PCLO: variants seen among roughly 807,000 people sequenced by gnomAD.
PCLO encodes the protein piccolo presynaptic cytomatrix protein, also known as protein piccolo.
PCLO carries 82 observed loss-of-function variants against 427.5 expected under a neutral mutation model. The observed-to-expected ratio is 0.19, with a 90% CI of 0.16 to 0.23. The LOEUF is 0.23. Ranked by LOEUF, PCLO falls within the 10% of genes least tolerant of loss-of-function variation. PCLO has a pLI of 1.00. For synonymous variants in PCLO, 2,357 were observed against 2,155.4 expected, an observed-to-expected ratio of 1.09 and a Z score of -2.59; for missense variants, 6,239 against 6,115.9, an observed-to-expected ratio of 1.02 and a Z score of -0.67.
intron 3 of PCLO, among the ~76,000 whole-genome samples, chr7:83,066,991 A>G (rs1408358696): frequency 6.6e-6 from 1 of 152,198 alleles, no homozygotes; most frequent in African/African-American, 2.4e-5. Context: ...GAAAAATTTC[A>G]CACATAAGTA....
chr7:83,114,237 G>T (rs987436462), intron 3 of PCLO, among the ~76,000 whole-genome samples: 1 of 152,034 alleles, frequency 6.6e-6, no homozygotes, highest in Non-Finnish European at 1.5e-5. Context: ...TGTGCCCTGG[G>T]GATTCATATT....
At chr7:82,838,869 T>C (rs1355185150) in intron 14 of PCLO, among the ~76,000 whole-genome samples, 1 of 151,986 alleles carries the variant, frequency 6.6e-6, no homozygotes, top group Non-Finnish European at 1.5e-5. Flanking sequence ...TATTATCTGA[T>C]ATTAAACCTA....
intron 3 of PCLO, among the ~76,000 whole-genome samples, chr7:83,075,420 C>T (rs1240395628): frequency 6.6e-6 from 1 of 152,080 alleles, no homozygotes; most frequent in Non-Finnish European, 1.5e-5. Flanking sequence ...TTTTGTTTCG[C>T]ACTTTCACCC....
rs866815935 is a variant in PCLO, at chr7:82,908,878, T to C, written c.13436A>G (p.Gln4479Arg). The change falls in exon 8 of 25, where the codon CAA becomes CGA. Residue 4479 changes from glutamine (Q) to arginine (R), a missense_variant and splice_region_variant. By Grantham distance (43) the Gln-to-Arg change is conservative. Transcript: ENST00000333891. ...HSRPLSQHQEQIIQMNGKTMH... is the reference protein window; with the variant it reads ...HSRPLSQHQERIIQMNGKTMH... ...GAAATTGCTAAATATAGCACTTACT[T>C]GCTCTTGATGTTGACTGAGTGGTCT... 11 of 1,611,750 alleles carry C rather than the reference T, an allele frequency of 6.8e-6. No individual in the cohort carries two copies. The Middle Eastern group carries it at 4.9e-4, about 72-fold the overall frequency.
At chr7:82,934,670 A>G (rs985110750) in intron 6 of PCLO, among the ~76,000 whole-genome samples, 1 of 151,688 alleles carries the variant, frequency 6.6e-6, no homozygotes, top group Non-Finnish European at 1.5e-5. Context: ...GAAAAAAATT[A>G]TATGGAATGT....
At position 83,154,923 on chromosome 7, in the gene PCLO, G is replaced by A; in HGVS notation, c.1718C>T (p.Ser573Phe). ...SGKPLQPPTV[S>F]PSAKQPPSQG... is the part of the protein sequence containing the mutation. ...TGAAGGAGGCTGTTTTGCAGATGGAGACACTGTTGGTGGCTGCAGAGGTTT... is the reference window on the plus strand; with the variant it reads ...TGAAGGAGGCTGTTTTGCAGATGGAAACACTGTTGGTGGCTGCAGAGGTTT... Residue 573 changes from serine to phenylalanine, a missense_variant, in exon 2 of 25, where the codon TCT (serine) becomes TTT (phenylalanine). Physicochemically the swap from Ser to Phe is radical, Grantham distance 155. Transcript: ENST00000333891. 3 of 1,614,016 alleles carry A rather than the reference G, an allele frequency of 1.9e-6. No individual in the cohort carries two copies. Among genetic ancestry groups the A allele is most frequent in the Non-Finnish European group, 2.5e-6 (3 of 1,179,890 alleles).
At chr7:83,158,970 C>A (rs1206282588) in intron 1 of PCLO, among the ~76,000 whole-genome samples, 1 of 151,984 alleles carries the variant, frequency 6.6e-6, no homozygotes, top group Non-Finnish European at 1.5e-5. Context: ...AACAGTTTTA[C>A]TGTTAAAAAG....
chr7:82,820,562 A>G, intron 20 of PCLO: 2 of 1,226,586 alleles, frequency 1.6e-6, no homozygotes, highest in Non-Finnish European at 2.0e-6. Context: ...CTTAACAACT[A>G]TGGAAACACG....
At chr7:82,805,035 G>A (rs1167385250) in intron 21 of PCLO, among the ~76,000 whole-genome samples, 4 of 151,672 alleles carry the variant, frequency 2.6e-5, no homozygotes, top group Non-Finnish European at 4.4e-5. Flanking sequence ...TGACCAAGGC[G>A]ATTCTAACAC....
In PCLO at chr7:82,809,750, C is replaced by CT. The variant is rs573564974; in HGVS notation, c.14792-3922dup. 1.3e-3 allele frequency among the ~76,000 whole-genome samples: 194 copies of CT among 151,536 alleles called. 2 individuals carry two copies. The highest frequency in any genetic ancestry group is 5.6e-4 in the Non-Finnish European group (38 of 67,624). ...ACAAGAAGTCCACTTGATATGGAAG[C>CT]TTTTTTTCCATGTTCTTTGTCAAAG... On this transcript the variant is annotated intron_variant, in intron 20 of 24. Coordinates refer to ENST00000333891, the MANE Select transcript of PCLO (RefSeq NM_033026.6).
At position 82,754,176 on chromosome 7, in the gene PCLO, C is replaced by T. The variant is rs1016122674; in HGVS notation, c.*4399G>A. 6.6e-6 allele frequency: 1 copy of T among 151,812 alleles called. No homozygotes were observed. The highest frequency in any genetic ancestry group is 2.4e-5 in the African/African-American group (1 of 41,312). 9.4% of individuals were successfully genotyped at this position (151,812 alleles called of 1,614,324 possible). On this transcript the variant is annotated 3_prime_UTR_variant, in exon 25 of 25. Coordinates refer to ENST00000333891, the MANE Select transcript of PCLO (RefSeq NM_033026.6). ...TACAAGCATTTTTTTTTAAATGCAA[C>T]TCTCATGTATTTTCAGGTCAATTTA...
chr7:83,025,156 G>A (rs1028331026), intron 3 of PCLO, among the ~76,000 whole-genome samples: 27 of 152,272 alleles, frequency 1.8e-4, no homozygotes, highest in Middle Eastern at 3.4e-3. Flanking sequence ...AAATTACTCT[G>A]AGCTACGGGA....
intron 7 of PCLO, among the ~76,000 whole-genome samples, chr7:82,912,024 T>C (rs1794334609): frequency 6.6e-6 from 1 of 152,134 alleles, no homozygotes; most frequent in South Asian, 2.1e-4. Context: ...CATCAACAAA[T>C]CTTTTAGAAT....
chr7:82,820,532 T>C (rs946307022), intron 20 of PCLO: 22 of 1,224,522 alleles, frequency 1.8e-5, no homozygotes, highest in Non-Finnish European at 2.1e-5. Flanking sequence ...GAGATTCACA[T>C]GCCCAACACA....
chr7:82,956,842 A>T lies in PCLO; in HGVS notation c.4111T>A (p.Ser1371Thr). The change falls in exon 5 of 25, where the codon TCA becomes ACA. Residue 1371 changes from serine to threonine, a missense_variant. Ser to Thr is a moderately conservative substitution (Grantham distance 58). Around this residue, in one of 5 missense-constraint regions of PCLO, gnomAD observed 4,677 missense variants for 4,468.4 expected, o/e 1.05. Coordinates refer to ENST00000333891, the MANE Select transcript of PCLO (RefSeq NM_033026.6). ...SDTGYSSDGI[S>T]SSLGEIPSLI... ...CTTGGAATTTCACCAAGTGAGCTTGATATTCCATCGGAAGAATATCCCGTG... is the reference window on the plus strand; with the variant it reads ...CTTGGAATTTCACCAAGTGAGCTTGTTATTCCATCGGAAGAATATCCCGTG... The T allele has an allele frequency of 6.2e-7, 1 of 1,613,884 alleles. No homozygotes were observed. The highest frequency in any genetic ancestry group is 8.5e-7 in the Non-Finnish European group (1 of 1,179,814).
At position 83,039,597 on chromosome 7, in the gene PCLO, G is replaced by A. The variant is rs911278213; in HGVS notation, c.3301-73110C>T. Among the ~76,000 whole-genome samples, 23 of 152,126 alleles carry A rather than the reference G, an allele frequency of 1.5e-4. No homozygotes were observed. In the East Asian group the frequency reaches 3.3e-3, roughly 22 times the overall value. ...GTAGTACCACATTAACTTCTTTACT[G>A]CTGCTTTGTAGTAAGTTTTGAAATT... On this transcript the variant is annotated intron_variant, in intron 3 of 24. Transcript: ENST00000333891.
intron 4 of PCLO, among the ~76,000 whole-genome samples, chr7:82,958,033 G>T (rs1434119409): frequency 6.6e-6 from 1 of 152,118 alleles, no homozygotes; most frequent in Non-Finnish European, 1.5e-5. Context: ...AAATAAAACT[G>T]ATTCAGTTAG....
intron 4 of PCLO, among the ~76,000 whole-genome samples, chr7:82,965,490 G>C (rs1386093449): frequency 6.6e-6 from 1 of 151,844 alleles, no homozygotes; most frequent in Admixed American, 6.6e-5. Context: ...AATAAAACTA[G>C]ATAACTTCTT....
chr7:82,819,819 GA>G (rs1791753038), intron 20 of PCLO, among the ~76,000 whole-genome samples: 1 of 152,092 alleles, frequency 6.6e-6, no homozygotes, highest in Non-Finnish European at 1.5e-5. Flanking sequence ...AACGCAATAG[GA>G]AAGTATAAGG....
Sources: gnomAD v4.1 joint callset for allele counts (sites outside exome capture counted in the v4.1 genomes callset) on GRCh38, gnomAD v4.1.1 for gene constraint, gnomAD v4.1.1 regional missense constraint, MANE v1.5 for transcripts, NCBI Gene and HGNC (gene_info 2026-07-23, HGNC 2026-07-21) for gene names.